The following SYNE2 variants were observed in gnomAD, a reference collection of about 807,000 sequenced individuals.
The protein encoded by SYNE2 is spectrin repeat containing nuclear envelope protein 2.
SYNE2 carries 431 observed loss-of-function variants against 856.3 expected under a neutral mutation model. That is an observed-to-expected ratio of 0.50 (90% CI 0.47 to 0.55). The LOEUF is 0.55. SYNE2 is among the 20% of genes least tolerant of loss of function. SYNE2 has a pLI of 0.00. For synonymous variants in SYNE2, 2,923 were observed against 2,872.3 expected (o/e 1.02, Z -0.56); for missense variants, 8,129 against 8,023.2 (o/e 1.01, Z -0.50).
chr14:63,916,931 A>T (rs1167227966), intron 2 of SYNE2, among the ~76,000 whole-genome samples: 2 of 149,498 alleles, frequency 1.3e-5, no homozygotes, highest in Non-Finnish European at 3.0e-5. Flanking sequence ...CACAAAAAAT[A>T]AAAAAAAAAT....
At chr14:64,225,095 CACTG>C in intron 115 of SYNE2, 50 bp downstream of exon 115, 1 of 1,602,892 alleles carries the variant, frequency 6.2e-7, no homozygotes, top group African/African-American at 1.3e-5. Context: ...TCCACACTCC[CACTG>C]ACTCAGTCTT....
chr14:63,917,127 T>C (rs1017156805), intron 2 of SYNE2, among the ~76,000 whole-genome samples: 1 of 152,166 alleles, frequency 6.6e-6, no homozygotes, highest in African/African-American at 2.4e-5. Flanking sequence ...TAAAGGCTTC[T>C]GGGTGGAATT....
At chr14:63,917,038 A>G (rs1423220389) in intron 2 of SYNE2, among the ~76,000 whole-genome samples, 3 of 152,148 alleles carry the variant, frequency 2.0e-5, no homozygotes, top group Admixed American at 6.5e-5. Flanking sequence ...GCAGTAAGCT[A>G]TGATCGTACC....
At chr14:63,974,403 C>G (rs965864899) in intron 11 of SYNE2, among the ~76,000 whole-genome samples, 1 of 152,034 alleles carries the variant, frequency 6.6e-6, no homozygotes, top group African/African-American at 2.4e-5. Flanking sequence ...GCGAGAGAGA[C>G]AGAGAGAGAA....
At chr14:63,889,806 C>A (rs2095085391) in intron 1 of SYNE2, among the ~76,000 whole-genome samples, 1 of 152,020 alleles carries the variant, frequency 6.6e-6, no homozygotes, top group Non-Finnish European at 1.5e-5. Context: ...CACAGTTTTA[C>A]ATGACATGAG....
At chr14:64,098,556 A>C in intron 62 of SYNE2, 191 bp from the exon 63 acceptor site, 1 of 648,434 alleles carries the variant, frequency 1.5e-6, no homozygotes, top group East Asian at 2.7e-5. Flanking sequence ...AAATAACAAG[A>C]CCTAAGGTTT....
rs574687026 is a variant in SYNE2, at chr14:63,980,566, T to G, written c.1570-88T>G. ...TAAAGAAATTTGGTAACTCTGTCCTTCGTTGAATGGCTGTATCTCACTATC... is the reference window on the plus strand; with the variant it reads ...TAAAGAAATTTGGTAACTCTGTCCTGCGTTGAATGGCTGTATCTCACTATC... On this transcript the variant is annotated intron_variant, in intron 14 of 115. Coordinates refer to ENST00000555002, the MANE Select transcript of SYNE2 (RefSeq NM_182914.3). The G allele has an allele frequency of 3.8e-5, 33 of 861,204 alleles. No homozygotes were observed. In the South Asian group the frequency reaches 4.2e-4, roughly 11 times the overall value. The allele number at this position is 861,204 out of a possible 1,614,324, so 53.3% of individuals were successfully genotyped here. A position where few individuals can be genotyped will look rare whatever the true frequency, so the allele number is the denominator to read the frequency against.
At chr14:63,958,893 C>G (rs2096273156) in intron 8 of SYNE2, among the ~76,000 whole-genome samples, 1 of 152,116 alleles carries the variant, frequency 6.6e-6, no homozygotes, top group Non-Finnish European at 1.5e-5. Flanking sequence ...TTAAAAAGTC[C>G]TCTTTACGCT....
At chr14:64,163,604 A>G (rs1443410830) in intron 89 of SYNE2, 23 bp downstream of exon 89, 1 of 1,613,476 alleles carries the variant, frequency 6.2e-7, no homozygotes. Flanking sequence ...TTTCCATTCA[A>G]GTTTTAGTCT....
At chr14:64,146,016 A>G in intron 83 of SYNE2, 52 bp from the exon 84 acceptor site, 1 of 1,339,482 alleles carries the variant, frequency 7.5e-7, no homozygotes, top group African/African-American at 1.5e-5. Flanking sequence ...CATGGCATTT[A>G]CCTTTTAAAA....
At position 64,052,849 on chromosome 14, in the gene SYNE2, A is replaced by G; in HGVS notation, c.8936A>G (p.Glu2979Gly). The G allele has an allele frequency of 6.2e-7, 1 of 1,613,792 alleles. No individual in the cohort carries two copies. Among genetic ancestry groups the G allele is most frequent in the Non-Finnish European group, 8.5e-7 (1 of 1,179,942 alleles). ...LNQEVNKGVK[E>G]EIYNLKDRLT... ...CAAGAAGTAAATAAAGGTGTTAAAG[A>G]GGAGATCTATAATCTTAAAGACAGA... The change falls in exon 48 of 116, where the codon GAG (glutamate) becomes GGG (glycine). Residue 2979 changes from glutamate (E) to glycine (G), a missense_variant. Physicochemically the swap from Glu to Gly is moderately conservative, Grantham distance 98. Coordinates refer to ENST00000555002, the MANE Select transcript of SYNE2 (RefSeq NM_182914.3).
intron 29 of SYNE2, 50 bp downstream of exon 29, chr14:64,002,131 G>A (rs914122775): frequency 1.2e-5 from 17 of 1,413,516 alleles, no homozygotes; most frequent in Non-Finnish European, 1.6e-5. Context: ...CGAGTCTTTT[G>A]AGATTTATAA....
chr14:63,968,249 A>G (rs563812234), intron 11 of SYNE2, among the ~76,000 whole-genome samples: 1 of 152,208 alleles, frequency 6.6e-6, no homozygotes, highest in Non-Finnish European at 1.5e-5. Context: ...TATGTAAAAG[A>G]CAGTGTAGAT....
chr14:64,017,202 G>A (rs968704639), intron 33 of SYNE2, among the ~76,000 whole-genome samples: 1 of 151,762 alleles, frequency 6.6e-6, no homozygotes, highest in Non-Finnish European at 1.5e-5. Context: ...GGTGGTGCAT[G>A]CCTGTAATCT....
Position 64,145,502 on chromosome 14 carries a change from C to T in SYNE2, c.15484-566C>T, listed in dbSNP as rs559993341. Among the ~76,000 whole-genome samples the T allele has an allele frequency of 1.4e-4, 16 of 115,590 alleles. No homozygotes were observed. In the East Asian group the frequency reaches 1.9e-3, roughly 13 times the overall value. The allele number at this position is 115,590 out of a possible 152,430, so 75.8% of individuals were successfully genotyped here. On this transcript the variant is annotated intron_variant, in intron 83 of 115. Coordinates refer to ENST00000555002, the MANE Select transcript of SYNE2 (RefSeq NM_182914.3). ...CAGCCTGGGTGACAGAGCGAGACTC[C>T]GTCTCAAAAAAAAAAAAAAAAAAAT...
rs1023522246 is a variant in SYNE2, at chr14:63,946,544, A to G, written c.409-3281A>G. On this transcript the variant is annotated intron_variant, in intron 6 of 115. Transcript: ENST00000555002. ...ATATGATCTCCAGTATATACATTAT[A>G]TATATTTATATATATTCTACAAAGA... is the stretch of plus-strand genomic sequence containing the variant. Among the ~76,000 whole-genome samples, 7 of 148,048 alleles carry G rather than the reference A, an allele frequency of 4.7e-5. No individual in the cohort carries two copies. The Admixed American group carries it at 4.8e-4, about 10-fold the overall frequency.
intron 82 of SYNE2, 145 bp downstream of exon 82, chr14:64,142,233 G>T (rs555160176): frequency 1.0e-6 from 1 of 964,556 alleles, no homozygotes; most frequent in South Asian, 1.4e-5. Flanking sequence ...TGATTCTGGA[G>T]AGATGTTAGT....
At chr14:64,037,643 T>G (rs1254086737) in intron 45 of SYNE2, among the ~76,000 whole-genome samples, 1 of 150,952 alleles carries the variant, frequency 6.6e-6, no homozygotes, top group Non-Finnish European at 1.5e-5. Flanking sequence ...AATGAGCTGT[T>G]GGGTACACCT....
chr14:64,099,138 T>C (rs759292516), intron 63 of SYNE2: 20 of 364,384 alleles, frequency 5.5e-5, no homozygotes, highest in Non-Finnish European at 9.3e-5. Context: ...GCACTCCTGG[T>C]CTCATTTTTA....
Sources: allele counts gnomAD v4.1 joint callset (sites outside exome capture counted in the v4.1 genomes callset), GRCh38; gene constraint gnomAD v4.1.1; transcripts MANE v1.5; gene names NCBI Gene and HGNC (gene_info 2026-07-23, HGNC 2026-07-21).